Variants in ABCA4 observed in about 807,000 individuals in gnomAD.
ABCA4 encodes retinal-specific phospholipid-transporting ATPase ABCA4.
ABCA4 carries 196 observed loss-of-function variants against 263.7 expected under a neutral mutation model. The observed-to-expected ratio is 0.74, with a 90% CI of 0.66 to 0.84. ABCA4 has a LOEUF of 0.84. Among genes scored for constraint, ABCA4 ranks in the 40% least tolerant of loss-of-function variants. The pLI is 0.00. For missense variants in ABCA4, 2,792 were observed against 2,855.1 expected, an observed-to-expected ratio of 0.98 and a Z score of 0.50; for synonymous variants, 1,133 against 1,094.2, an observed-to-expected ratio of 1.04 and a Z score of -0.70.
rs1661600677 is a variant in ABCA4 at position 94,078,585 on chromosome 1, C to CT, written c.1356+4dup. ...CTCCCCTCCCCATCCTCCAACCCCCCTTACTCTGATCATGTTCATCTGTGT... is the reference window on the plus strand; with the variant it reads ...CTCCCCTCCCCATCCTCCAACCCCCCTTTACTCTGATCATGTTCATCTGTGT... On this transcript the variant is annotated splice_donor_region_variant and intron_variant, in intron 10 of 49. Transcript: ENST00000370225. The CT allele has an allele frequency of 1.3e-6, 2 of 1,578,294 alleles. No individual in the cohort carries two copies. The highest frequency in any genetic ancestry group is 1.7e-6 in the Non-Finnish European group (2 of 1,149,122).
chr1:94,080,764 C>T, intron 7 of ABCA4, 46 bp from the exon 8 acceptor site: 1 of 1,613,514 alleles, frequency 6.2e-7, no homozygotes, highest in Non-Finnish European at 8.5e-7. Context: ...CAGCTAGAGT[C>T]ATAATCTGCT....
rs781140692 is a variant in ABCA4, at chr1:94,030,567, G to A, written c.4254-41C>T. The A allele has an allele frequency of 1.0e-5, 16 of 1,576,010 alleles. 1 individual carries two copies. Among genetic ancestry groups the A allele is most frequent in the Middle Eastern group, 1.7e-4 (1 of 6,022 alleles). ...CATGTGACTGGGACAGAGCAGGCGC[G>A]TGCCAACATCATGCAACTCAGAGCC... On this transcript the variant is annotated intron_variant, in intron 28 of 49. Transcript: ENST00000370225.
intron 5 of ABCA4, among the ~76,000 whole-genome samples, chr1:94,100,411 C>T (rs889230257): frequency 1.3e-5 from 2 of 152,132 alleles, no homozygotes; most frequent in South Asian, 2.1e-4. Context: ...AATGAGGAAA[C>T]GAGAGGCACA....
At chr1:94,104,629 C>A (rs1273531565) in intron 4 of ABCA4, among the ~76,000 whole-genome samples, 2 of 152,192 alleles carry the variant, frequency 1.3e-5, no homozygotes, top group African/African-American at 4.8e-5. Flanking sequence ...GAAGTTCGAC[C>A]ACACAGTGGC....
At chr1:94,042,194 G>A (rs192229091) in intron 22 of ABCA4, among the ~76,000 whole-genome samples, 3 of 152,202 alleles carry the variant, frequency 2.0e-5, no homozygotes, top group East Asian at 3.9e-4. Context: ...GGGCAACGCT[G>A]TGTGAGTAGA....
chr1:94,096,796 G>C (rs1036757997), intron 6 of ABCA4, among the ~76,000 whole-genome samples: 1 of 152,192 alleles, frequency 6.6e-6, no homozygotes, highest in Non-Finnish European at 1.5e-5. Context: ...TGGTGGCCAA[G>C]GTGCTTCAAG....
intron 11 of ABCA4, among the ~76,000 whole-genome samples, chr1:94,068,645 C>T (rs779259637): frequency 3.3e-5 from 5 of 152,256 alleles, no homozygotes; most frequent in South Asian, 4.1e-4. Flanking sequence ...TATGAGGCTA[C>T]GGCCATGGAG....
At chr1:94,107,811 T>C (rs1662483631) in intron 4 of ABCA4, among the ~76,000 whole-genome samples, 1 of 152,234 alleles carries the variant, frequency 6.6e-6, no homozygotes, top group Non-Finnish European at 1.5e-5. Flanking sequence ...TATTTCACTT[T>C]CTGACCACAG....
intron 45 of ABCA4, chr1:94,001,578 G>T (rs1324367306): frequency 3.2e-6 from 2 of 616,350 alleles, no homozygotes; most frequent in East Asian, 3.5e-5. Context: ...CGCAGAGTGG[G>T]CTGAACTTCC....
rs540124349 is a variant in ABCA4, at chr1:94,098,889, C to T, written c.673G>A (p.Val225Met). 92 of 1,614,072 alleles carry T rather than the reference C, an allele frequency of 5.7e-5. No homozygotes were observed. The East Asian group carries it at 2.0e-3, about 34-fold the overall frequency. Reference sequence around the variant, plus strand: ...GAGAGGGAGCACAGGGCATAGCGCACCGTCTTTGCCCCGCGTCTCTGGCTG... The same window carrying T: ...GAGAGGGAGCACAGGGCATAGCGCATCGTCTTTGCCCCGCGTCTCTGGCTG... ...IFSQRRGAKTVRYALCSLSQG... is the reference protein window; with the variant it reads ...IFSQRRGAKTMRYALCSLSQG... Residue 225 changes from valine (V) to methionine (M), a missense_variant, in exon 6 of 50, where the codon GTG becomes ATG. Coordinates refer to ENST00000370225, the MANE Select transcript of ABCA4 (RefSeq NM_000350.3).
chr1:93,995,930 C>A (rs1658986817), intron 49 of ABCA4, among the ~76,000 whole-genome samples, 179 bp downstream of exon 49: 1 of 152,168 alleles, frequency 6.6e-6, no homozygotes, highest in African/African-American at 2.4e-5. Flanking sequence ...CACACAGTGG[C>A]AGGGACTTAG....
At chr1:94,029,696 A>G in intron 29 of ABCA4, 65 bp from the exon 30 acceptor site, 2 of 1,490,510 alleles carry the variant, frequency 1.3e-6, no homozygotes, top group Non-Finnish European at 1.8e-6. Context: ...CCTAGGCATA[A>G]GAAATTGTGC....
intron 23 of ABCA4, 96 bp downstream of exon 23, chr1:94,041,113 C>A (rs560631009): frequency 5.5e-6 from 7 of 1,278,370 alleles, no homozygotes; most frequent in South Asian, 3.7e-5. Context: ...ATTCTGGTGG[C>A]GAGAGCCTGT....
rs1436184214 is a variant in ABCA4 at position 94,043,406 on chromosome 1, C to T, written c.3120G>A (p.Leu1040=). 1.2e-6 allele frequency: 2 copies of T among 1,614,150 alleles called. No homozygotes were observed. The highest frequency in any genetic ancestry group is 1.3e-5 in the African/African-American group (1 of 75,028). Residue 1040 remains leucine, a synonymous_variant, in exon 21 of 50, where the codon CTG becomes CTA. Coordinates refer to ENST00000370225, the MANE Select transcript of ABCA4 (RefSeq NM_000350.3). ...LKGKSQEEAQ[L]EMEAMLEDTG... ...TGTCCTCCAACATGGCTTCCATCTC[C>T]AGCTGGGCCTCCTCCTGGGACTTTC...
At chr1:94,078,921 G>A (rs1395559733) in intron 9 of ABCA4, among the ~76,000 whole-genome samples, 1 of 152,102 alleles carries the variant, frequency 6.6e-6, no homozygotes, top group Non-Finnish European at 1.5e-5. Context: ...TATCTCAGAA[G>A]TCCATGTAAT....
chr1:94,055,353 G>A, intron 15 of ABCA4, 38 bp from the exon 16 acceptor site: 6 of 1,601,668 alleles, frequency 3.7e-6, no homozygotes, highest in Non-Finnish European at 4.3e-6. Flanking sequence ...AAAGAGCAGT[G>A]CCTTTTATCC....
chr1:94,042,067 C>A (rs536328515), intron 22 of ABCA4, among the ~76,000 whole-genome samples: 1 of 142,134 alleles, frequency 7.0e-6, no homozygotes, highest in Non-Finnish European at 1.5e-5. Flanking sequence ...CCACTGCACT[C>A]CAGCCTGCGC....
At chr1:94,015,891 C>T in intron 36 of ABCA4, 37 bp from the exon 37 acceptor site, 1 of 1,555,460 alleles carries the variant, frequency 6.4e-7, no homozygotes, top group East Asian at 2.3e-5. Flanking sequence ...CACTTAACCT[C>T]TCAGACCTGC....
At chr1:94,085,576 G>A (rs1661806368) in intron 6 of ABCA4, among the ~76,000 whole-genome samples, 1 of 151,982 alleles carries the variant, frequency 6.6e-6, no homozygotes, top group Non-Finnish European at 1.5e-5. Context: ...CCCTTCCAAT[G>A]CATTGTGGTC....
Sources: allele counts gnomAD v4.1 joint callset (sites outside exome capture counted in the v4.1 genomes callset), GRCh38; gene constraint gnomAD v4.1.1; transcripts MANE v1.5; gene names NCBI Gene and HGNC (gene_info 2026-07-23, HGNC 2026-07-21).